The following ADGRL3 variants were observed in gnomAD, a reference collection of about 807,000 sequenced individuals.
ADGRL3 encodes calcium-independent alpha-latrotoxin receptor 3.
A neutral mutation model predicts 153.5 loss-of-function variants in ADGRL3; 62 were observed. That is an observed-to-expected ratio of 0.40 (90% CI 0.33 to 0.50). The LOEUF (loss-of-function observed/expected upper bound fraction) is 0.50. Among genes scored for constraint, ADGRL3 ranks in the 20% least tolerant of loss-of-function variants. The pLI, the probability that ADGRL3 is intolerant of heterozygous loss-of-function variation, is 0.47. For missense variants in ADGRL3, 1,641 were observed against 1,859.4 expected, an observed-to-expected ratio of 0.88 and a Z score of 2.16; for synonymous variants, 710 against 672.5, an observed-to-expected ratio of 1.06 and a Z score of -0.86.
chr4:61,237,652 A>G (rs1009689351), intron 1 of ADGRL3, among the ~76,000 whole-genome samples: 3 of 152,180 alleles, frequency 2.0e-5, no homozygotes, highest in African/African-American at 7.2e-5. Flanking sequence ...TTAGCTGTAA[A>G]ACAATTAATA....
At chr4:61,719,460 C>CAAG (rs1188456742) in intron 6 of ADGRL3, among the ~76,000 whole-genome samples, 1 of 152,118 alleles carries the variant, frequency 6.6e-6, no homozygotes, top group Non-Finnish European at 1.5e-5. Context: ...GCTTCTTCTA[C>CAAG]AAGTGTACTG....
chr4:61,528,627 G>T (rs79269424), intron 4 of ADGRL3, among the ~76,000 whole-genome samples: 1 of 152,090 alleles, frequency 6.6e-6, no homozygotes, highest in African/African-American at 2.4e-5. Flanking sequence ...AGAGACCAAG[G>T]TGCCATAATT....
chr4:61,441,976 C>A (rs983742673), intron 2 of ADGRL3, among the ~76,000 whole-genome samples: 5 of 151,902 alleles, frequency 3.3e-5, no homozygotes, highest in African/African-American at 1.2e-4. Context: ...TATTTTATTC[C>A]TTACAAAGTA....
Position 61,775,572 on chromosome 4 carries a change from A to T in ADGRL3, c.1400-38237A>T, listed in dbSNP as rs2097138533. The T allele has an allele frequency of 5.6e-6, 5 of 898,486 alleles. No individual in the cohort carries two copies. The Admixed American group carries it at 8.5e-5, about 15-fold the overall frequency. The allele number at this position is 898,486 out of a possible 1,614,324, so 55.7% of individuals were successfully genotyped here. On this transcript the variant is annotated intron_variant, in intron 8 of 26. Transcript: ENST00000683033. The stretch of plus-strand genomic sequence containing the variant: ...GAGGCTTCCCCTCTCTGTCAGTTTT[A>T]CAGAGGCCTACCCTTTCCCCTAGTT...
intron 25 of ADGRL3, among the ~76,000 whole-genome samples, chr4:62,050,317 G>A (rs1486079465): frequency 1.3e-5 from 2 of 151,994 alleles, no homozygotes; most frequent in Non-Finnish European, 2.9e-5. Flanking sequence ...CTTAGATAAT[G>A]ACATAAGCAA....
At chr4:61,345,412 TTTG>T (rs1400668790) in intron 1 of ADGRL3, among the ~76,000 whole-genome samples, 3 of 152,150 alleles carry the variant, frequency 2.0e-5, no homozygotes, top group Admixed American at 6.6e-5. Flanking sequence ...AATTACATAT[TTTG>T]TTATTTCCTT....
intron 1 of ADGRL3, among the ~76,000 whole-genome samples, chr4:61,304,595 C>T (rs750808433): frequency 1.3e-5 from 2 of 152,008 alleles, no homozygotes; most frequent in Non-Finnish European, 2.9e-5. Context: ...TTTTAACTTT[C>T]ACATTTTCAT....
chr4:61,488,532 C>G (rs1470964047), intron 2 of ADGRL3, among the ~76,000 whole-genome samples: 2 of 151,940 alleles, frequency 1.3e-5, no homozygotes, highest in African/African-American at 4.8e-5. Context: ...AGAATGGAGG[C>G]ATGACTCAAA....
chr4:61,831,210 CAATT>C (rs1425451940), intron 9 of ADGRL3, among the ~76,000 whole-genome samples: 8 of 151,794 alleles, frequency 5.3e-5, no homozygotes, highest in Admixed American at 1.3e-4. Context: ...TTTTAAATAA[CAATT>C]AAGAGAGGGA....
intron 9 of ADGRL3, among the ~76,000 whole-genome samples, chr4:61,884,900 T>C (rs1309580629): frequency 2.6e-5 from 4 of 151,118 alleles, no homozygotes. Flanking sequence ...GCTGGGATTA[T>C]AGGTGTGAGC....
intron 1 of ADGRL3, among the ~76,000 whole-genome samples, chr4:61,334,717 A>C (rs1448608819): frequency 4.6e-5 from 7 of 152,106 alleles, no homozygotes; most frequent in African/African-American, 1.7e-4. Flanking sequence ...AAACCTGAAA[A>C]AAATTATATA....
chr4:61,376,679 C>A (rs150025388), intron 1 of ADGRL3, among the ~76,000 whole-genome samples: 1 of 152,178 alleles, frequency 6.6e-6, no homozygotes, highest in Non-Finnish European at 1.5e-5. Flanking sequence ...ATTTTACCAT[C>A]TTTTCTCCCT....
chr4:61,709,056 G>T (rs144654519), intron 6 of ADGRL3, among the ~76,000 whole-genome samples: 4,163 of 151,972 alleles, frequency 0.027, 207 homozygotes, highest in African/African-American at 0.095. Context: ...TGATCTGCCC[G>T]TCTCAGCCTC....
Position 61,200,426 on chromosome 4 carries a change from C to T in ADGRL3, c.-1579C>T, listed in dbSNP as rs1389897548. 6.6e-6 allele frequency among the ~76,000 whole-genome samples: 1 copy of T among 151,890 alleles called. No homozygotes were observed. The highest frequency in any genetic ancestry group is 2.4e-5 in the African/African-American group (1 of 41,398). ...GACCCGCTGTCTGCGCGTCGCCCCC[C>T]TCGCCTGCTGGCCCGGCACCGCTCG... On this transcript the variant is annotated 5_prime_UTR_variant, in exon 1 of 27. Coordinates refer to ENST00000683033, the MANE Select transcript of ADGRL3 (RefSeq NM_001387552.1).
chr4:62,046,951 C>A (rs934272960), intron 25 of ADGRL3, among the ~76,000 whole-genome samples: 2 of 151,902 alleles, frequency 1.3e-5, no homozygotes, highest in Middle Eastern at 3.2e-3. Context: ...ATCTTCCCTG[C>A]ATTCAGGCGT....
chr4:62,062,851 C>CTA (rs1468792459), intron 25 of ADGRL3, among the ~76,000 whole-genome samples: 1 of 151,964 alleles, frequency 6.6e-6, no homozygotes, highest in African/African-American at 2.4e-5. Context: ...AAAATAGCAT[C>CTA]TATATGTTTT....
chr4:61,868,922 T>G (rs1044910663), intron 9 of ADGRL3, among the ~76,000 whole-genome samples: 1 of 152,144 alleles, frequency 6.6e-6, no homozygotes, highest in Non-Finnish European at 1.5e-5. Flanking sequence ...ACCCAAGATC[T>G]ACCTCAAAGG....
At chr4:61,353,066 G>A (rs1466874436) in intron 1 of ADGRL3, among the ~76,000 whole-genome samples, 6 of 152,234 alleles carry the variant, frequency 3.9e-5, no homozygotes, top group South Asian at 2.1e-4. Flanking sequence ...CGTATCTTAG[G>A]GAGACAGGCC....
intron 2 of ADGRL3, among the ~76,000 whole-genome samples, chr4:61,430,253 G>T (rs2097339419): frequency 6.6e-6 from 1 of 152,238 alleles, no homozygotes; most frequent in Non-Finnish European, 1.5e-5. Flanking sequence ...AACCAACCTT[G>T]TCAAATTTAT....
Sources: gnomAD v4.1 joint callset for allele counts (sites outside exome capture counted in the v4.1 genomes callset) on GRCh38, gnomAD v4.1.1 for gene constraint, MANE v1.5 for transcripts, NCBI Gene and HGNC (gene_info 2026-07-23, HGNC 2026-07-21) for gene names.